Variants in PLAGL1 observed in about 807,000 individuals in gnomAD.
PLAGL1 encodes the protein PLAG1 like zinc finger 1.
In PLAGL1, 1 loss-of-function variant was observed where a neutral mutation model predicts 4.6. That is an observed-to-expected ratio of 0.22 (90% CI 0.08 to 1.03). The LOEUF is 1.03. PLAGL1 is among the 50% of genes least tolerant of loss of function. The pLI is 0.58. For synonymous variants in PLAGL1, 240 were observed against 237.8 expected, an observed-to-expected ratio of 1.01 and a Z score of -0.08; for missense variants, 464 against 570.4, an observed-to-expected ratio of 0.81 and a Z score of 1.90.
chr6:144,032,561 TTTTG>T (rs781193053), intron 1 of PLAGL1, among the ~76,000 whole-genome samples: 48 of 152,114 alleles, frequency 3.2e-4, no homozygotes, highest in African/African-American at 7.7e-4. Context: ...GTTTTTGGGG[TTTTG>T]TTTGTTTGTT....
At chr6:144,023,768 C>CTT (rs34002736) in intron 1 of PLAGL1, among the ~76,000 whole-genome samples, 1,636 of 72,662 alleles carry the variant, frequency 0.023, 285 homozygotes, top group African/African-American at 0.065. Context: ...TCATATTTAG[C>CTT]TTTTTTTTTT....
At position 144,030,281 on chromosome 6, in the gene PLAGL1, A is replaced by AAAAAAAAAAAAAAAAAAG. The variant is rs1296064916; in HGVS notation, c.-151+34186_-151+34187insCTTTTTTTTTTTTTTTTT. ...AAAAAAAAAAAAAAAAAAAAAAAAA[A>AAAAAAAAAAAAAAAAAAG]AAGAAGATGTAAATTTTAATACAAT... On this transcript the variant is annotated intron_variant, in intron 1 of 3. Transcript: ENST00000437412. 8.3e-5 allele frequency among the ~76,000 whole-genome samples: 11 copies of AAAAAAAAAAAAAAAAAAG among 132,956 alleles called. No individual in the cohort carries two copies. The East Asian group carries it at 1.4e-3, about 17-fold the overall frequency. 87.2% of individuals were successfully genotyped at this position (132,956 alleles called of 152,430 possible). A position where few individuals can be genotyped will look rare whatever the true frequency, so the allele number is the denominator to read the frequency against.
At position 143,947,443 on chromosome 6, in the gene PLAGL1, T is replaced by C. The variant is rs986870700; in HGVS notation, c.152+542A>G. Among the ~76,000 whole-genome samples the C allele has an allele frequency of 1.3e-5, 2 of 152,210 alleles. No homozygotes were observed. The highest frequency in any genetic ancestry group is 1.3e-4 in the Admixed American group (2 of 15,284). ...ATACACCTGAATGAGACAAACCCTC[T>C]CAGACAGAGGTAAGGCCTGCTATAC... On this transcript the variant is annotated intron_variant, in intron 7 of 7. Transcript: ENST00000674357. The surrounding 1 kb of genome is among the most constrained non-coding windows in gnomAD (Gnocchi z 4.3).
rs954371568 is a variant in PLAGL1 at position 144,034,639 on chromosome 6, A to G, written c.-151+29829T>C. Among the ~76,000 whole-genome samples the G allele has an allele frequency of 1.3e-5, 2 of 152,240 alleles. No homozygotes were observed. Among genetic ancestry groups the G allele is most frequent in the Admixed American group, 6.5e-5 (1 of 15,286 alleles). ...ATGCAATAATGAACCTTGGACAGCC[A>G]AAATTTCATCTACAATATCAAACAT... On this transcript the variant is annotated intron_variant, in intron 1 of 3. Coordinates refer to the PLAGL1 transcript ENST00000437412. The surrounding 1 kb of genome is among the most constrained non-coding windows in gnomAD (Gnocchi z 4.7).
chr6:144,013,357 A>C (rs894239781), upstream of PLAGL1, among the ~76,000 whole-genome samples: 1 of 152,154 alleles, frequency 6.6e-6, no homozygotes, highest in Non-Finnish European at 1.5e-5. This position sits in a 1 kb window ranked among gnomAD's most constrained non-coding sequence, Gnocchi z 4.4. Context: ...TAACAAAATA[A>C]TGGAGGGGGA....
rs564933812 is a variant in PLAGL1 at position 143,988,562 on chromosome 6, T to C, written c.-583-3388A>G. Among the ~76,000 whole-genome samples the C allele has an allele frequency of 1.5e-4, 23 of 152,318 alleles. 1 individual carries two copies. The highest frequency in any genetic ancestry group is 1.4e-3 in the Admixed American group (22 of 15,302). On this transcript the variant is annotated intron_variant, in intron 1 of 7. Transcript: ENST00000674357. Reference sequence around the variant, plus strand: ...GCCAGGAAGATGATATCCTTTATTGTTTTACATGAAAGCATTTGAAAATTC... The same window carrying C: ...GCCAGGAAGATGATATCCTTTATTGCTTTACATGAAAGCATTTGAAAATTC...
In PLAGL1 at chr6:144,027,242, A is replaced by AGGAC. The variant is rs1796419710; in HGVS notation, c.-151+37225_-151+37226insGTCC. On this transcript the variant is annotated intron_variant, in intron 1 of 3. Transcript: ENST00000437412. This position sits in a 1 kb window ranked among gnomAD's most constrained non-coding sequence, Gnocchi z 5.8. ...CCAACTCAAAGAACGAACGAAAGAAAGAAAGAAAGAAAGAAAGAAAGAAAG... is the reference window on the plus strand; with the variant it reads ...CCAACTCAAAGAACGAACGAAAGAAAGGACGAAAGAAAGAAAGAAAGAAAGAAAG... Among the ~76,000 whole-genome samples the AGGAC allele has an allele frequency of 1.2e-5, 1 of 86,164 alleles. No homozygotes were observed. Among genetic ancestry groups the AGGAC allele is most frequent in the Non-Finnish European group, 2.6e-5 (1 of 38,586 alleles). The allele number at this position is 86,164 out of a possible 152,430, so 56.5% of individuals were successfully genotyped here. A position where few individuals can be genotyped will look rare whatever the true frequency, so the allele number is the denominator to read the frequency against.
Position 143,984,510 on chromosome 6 carries a change from G to A in PLAGL1, c.-544+625C>T, listed in dbSNP as rs1003071940. On this transcript the variant is annotated intron_variant, in intron 2 of 7. Transcript: ENST00000674357. The surrounding 1 kb of genome is among the most constrained non-coding windows in gnomAD (Gnocchi z 5.5). ...TGAGTATGCCAAGGTAGGTACTATC[G>A]GGAAGACTGTATTAGAGGTGCGTGT... Among the ~76,000 whole-genome samples, 6 of 151,848 alleles carry A rather than the reference G, an allele frequency of 4.0e-5. No homozygotes were observed. Among genetic ancestry groups the A allele is most frequent in the Non-Finnish European group, 5.9e-5 (4 of 67,990 alleles).
Position 143,945,808 on chromosome 6 carries a change from C to T in PLAGL1, c.152+2177G>A, listed in dbSNP as rs191324040. 9.8e-4 allele frequency among the ~76,000 whole-genome samples: 149 copies of T among 152,244 alleles called. No individual in the cohort carries two copies. The highest frequency in any genetic ancestry group is 1.8e-3 in the Non-Finnish European group (122 of 68,006). ...AAGCATCCTGCCATCTCACACTCTTCCAGTCCTTTACTATATCACTGCTTC... is the reference window on the plus strand; with the variant it reads ...AAGCATCCTGCCATCTCACACTCTTTCAGTCCTTTACTATATCACTGCTTC... On this transcript the variant is annotated intron_variant, in intron 7 of 7. Transcript: ENST00000674357. The surrounding 1 kb of genome is among the most constrained non-coding windows in gnomAD (Gnocchi z 4.2).
rs1436271779 is a variant in PLAGL1, at chr6:143,979,029, A to T, written c.-544+6106T>A. Among the ~76,000 whole-genome samples the T allele has an allele frequency of 1.3e-5, 2 of 152,312 alleles. No homozygotes were observed. Among genetic ancestry groups the T allele is most frequent in the Middle Eastern group, 3.4e-3 (1 of 294 alleles). On this transcript the variant is annotated intron_variant, in intron 2 of 7. Transcript: ENST00000674357. The surrounding 1 kb of genome is among the most constrained non-coding windows in gnomAD (Gnocchi z 4.6). ...GAGTTCACCACTTTATCATTATGAA[A>T]CAACTCTATTTATCCCTGGTAATAT...
upstream of PLAGL1, among the ~76,000 whole-genome samples, chr6:144,010,556 T>A (rs1301318865): frequency 6.6e-6 from 1 of 152,146 alleles, no homozygotes; most frequent in Non-Finnish European, 1.5e-5. The surrounding 1 kb of genome is among the most constrained non-coding windows in gnomAD (Gnocchi z 4.1). Flanking sequence ...TTCAATGCTA[T>A]CCCCATCAAG....
intron 1 of PLAGL1, among the ~76,000 whole-genome samples, chr6:143,998,436 G>C (rs563700743): frequency 2.6e-4 from 39 of 152,268 alleles, no homozygotes; most frequent in African/African-American, 8.7e-4. Flanking sequence ...ATGGTGTTAG[G>C]AAAGTTTCCT....
intron 1 of PLAGL1, among the ~76,000 whole-genome samples, chr6:144,017,664 C>A (rs1795656241): frequency 1.3e-5 from 2 of 152,178 alleles, no homozygotes; most frequent in Admixed American, 6.5e-5. Flanking sequence ...GTGATTTATT[C>A]AATAGCCTAG....
At chr6:143,988,574 G>A (rs1789717863) in intron 1 of PLAGL1, among the ~76,000 whole-genome samples, 2 of 152,188 alleles carry the variant, frequency 1.3e-5, no homozygotes, top group Non-Finnish European at 1.5e-5. Flanking sequence ...TTACATGAAA[G>A]CATTTGAAAA....
Position 143,955,069 on chromosome 6 carries a change from T to A in PLAGL1, c.-325+5400A>T, listed in dbSNP as rs1419710644. ...CAGGAATGAATGGACAGAATACAAT[T>A]ACATTGCTCTATAATGACATATGCA... is the stretch of plus-strand genomic sequence containing the variant. On this transcript the variant is annotated intron_variant, in intron 6 of 7. Coordinates refer to ENST00000674357, the MANE Select transcript of PLAGL1 (RefSeq NM_001317162.2). This position sits in a 1 kb window ranked among gnomAD's most constrained non-coding sequence, Gnocchi z 4.9. Among the ~76,000 whole-genome samples, 2 of 152,220 alleles carry A rather than the reference T, an allele frequency of 1.3e-5. No homozygotes were observed. Among genetic ancestry groups the A allele is most frequent in the African/African-American group, 4.8e-5 (2 of 41,466 alleles).
At position 143,975,750 on chromosome 6, in the gene PLAGL1, G is replaced by A. The variant is rs562956013; in HGVS notation, c.-543-6772C>T. ...AAACAGAAACACTAATTGAAGTGTC[G>A]TTTTAAAAGGCTAATTGAGGCAAAT... is the stretch of plus-strand genomic sequence containing the variant. On this transcript the variant is annotated intron_variant, in intron 2 of 7. Coordinates refer to ENST00000674357, the MANE Select transcript of PLAGL1 (RefSeq NM_001317162.2). The surrounding 1 kb of genome is among the most constrained non-coding windows in gnomAD (Gnocchi z 5.8). Among the ~76,000 whole-genome samples, 10 of 152,300 alleles carry A rather than the reference G, an allele frequency of 6.6e-5. No individual in the cohort carries two copies. Among genetic ancestry groups the A allele is most frequent in the South Asian group, 6.2e-4 (3 of 4,828 alleles).
At chr6:143,946,225 T>C (rs4896691) in intron 7 of PLAGL1, among the ~76,000 whole-genome samples, 133,409 of 152,270 alleles carry the variant, frequency 0.88, 58,882 homozygotes, top group East Asian at 1. Context: ...AGCGGACCCG[T>C]GCAGCTCAAA....
In PLAGL1 at chr6:143,968,072, A is replaced by G. The variant is rs557625978; in HGVS notation, c.-472+835T>C. 3.3e-5 allele frequency: 5 copies of G among 151,610 alleles called. No individual in the cohort carries two copies. The East Asian group carries it at 9.7e-4, about 29-fold the overall frequency. 9.4% of individuals were successfully genotyped at this position (151,610 alleles called of 1,614,324 possible). On this transcript the variant is annotated intron_variant, in intron 3 of 7. Coordinates refer to ENST00000674357, the MANE Select transcript of PLAGL1 (RefSeq NM_001317162.2). The surrounding 1 kb of genome is among the most constrained non-coding windows in gnomAD (Gnocchi z 6.3). ...TTAAGCAACAGCACTGCAGCTGCAA[A>G]AGAAGTGAGGGCTGCTTTAGGGTGA...
At position 143,966,082 on chromosome 6, in the gene PLAGL1, G is replaced by A. The variant is rs534590255; in HGVS notation, c.-431+76C>T. 6.6e-6 allele frequency: 1 copy of A among 152,322 alleles called. No homozygotes were observed. The highest frequency in any genetic ancestry group is 2.4e-5 in the African/African-American group (1 of 41,554). The allele number at this position is 152,322 out of a possible 1,614,324, so 9.4% of individuals were successfully genotyped here. A position where few individuals can be genotyped will look rare whatever the true frequency, so the allele number is the denominator to read the frequency against. ...TTGGTTCCCCAGTCTGTTTTTGGAC[G>A]GTTCCCCTTCATTCTAATCACAATG... On this transcript the variant is annotated intron_variant, in intron 4 of 7. Coordinates refer to ENST00000674357, the MANE Select transcript of PLAGL1 (RefSeq NM_001317162.2). The surrounding 1 kb of genome is among the most constrained non-coding windows in gnomAD (Gnocchi z 6.0).
Sources: gnomAD v4.1 joint callset for allele counts (sites outside exome capture counted in the v4.1 genomes callset) on GRCh38, gnomAD v4.1.1 for gene constraint, Gnocchi (gnomAD v3.1) non-coding constraint, MANE v1.5 for transcripts, NCBI Gene and HGNC (gene_info 2026-07-23, HGNC 2026-07-21) for gene names.